The following MARCHF1 variants were observed in gnomAD, a reference collection of about 807,000 sequenced individuals.
MARCHF1 encodes E3 ubiquitin-protein ligase MARCHF1.
MARCHF1 carries 40 observed loss-of-function variants against 54.2 expected under a neutral mutation model. The observed-to-expected ratio is 0.74, with a 90% CI of 0.57 to 0.96. MARCHF1 has a LOEUF of 0.96. MARCHF1 is among the 40% of genes least tolerant of loss of function. MARCHF1 has a pLI of 0.00. For synonymous variants in MARCHF1, 236 were observed against 236.3 expected (o/e 1.00, Z 0.01); for missense variants, 586 against 656.5 (o/e 0.89, Z 1.17).
chr4:164,057,610 C>T (rs536223859), intron 2 of MARCHF1, among the ~76,000 whole-genome samples: 2 of 152,128 alleles, frequency 1.3e-5, no homozygotes, highest in South Asian at 4.2e-4. Context: ...GCAACTCAGA[C>T]ATGAAGCATG....
chr4:163,556,392 C>A (rs1340051663), intron 8 of MARCHF1, among the ~76,000 whole-genome samples: 1 of 152,080 alleles, frequency 6.6e-6, no homozygotes, highest in African/African-American at 2.4e-5. Flanking sequence ...AAAAGAGAAT[C>A]TTTTTGGAAC....
At chr4:163,630,034 C>T (rs1162304772) in intron 5 of MARCHF1, among the ~76,000 whole-genome samples, 1 of 152,114 alleles carries the variant, frequency 6.6e-6, no homozygotes, top group Non-Finnish European at 1.5e-5. Flanking sequence ...TTCGCAGTTT[C>T]ATATAAAGTT....
chr4:163,560,380 T>C (rs906015637), intron 8 of MARCHF1, among the ~76,000 whole-genome samples: 2 of 152,216 alleles, frequency 1.3e-5, no homozygotes, highest in African/African-American at 2.4e-5. Flanking sequence ...GGCCCATCAA[T>C]TTACTTGTCA....
intron 5 of MARCHF1, 125 bp downstream of exon 5, chr4:163,700,688 A>C (rs1340308389): frequency 9.8e-6 from 7 of 711,726 alleles, no homozygotes; most frequent in Non-Finnish European, 1.6e-5. Context: ...AAAGAGTTAA[A>C]ACCATGAACA....
intron 2 of MARCHF1, among the ~76,000 whole-genome samples, chr4:164,002,860 C>T (rs1478760637): frequency 2.6e-5 from 4 of 151,748 alleles, no homozygotes; most frequent in South Asian, 2.1e-4. Context: ...AATAAGAATC[C>T]TACCAACTTA....
chr4:164,338,002 C>A (rs373760455), intron 1 of MARCHF1, among the ~76,000 whole-genome samples: 26 of 152,190 alleles, frequency 1.7e-4, no homozygotes, highest in South Asian at 6.2e-4. Context: ...ATGTTGCTCT[C>A]ACAGAACTCT....
chr4:163,760,424 G>A (rs575958774), intron 4 of MARCHF1, among the ~76,000 whole-genome samples: 5 of 152,272 alleles, frequency 3.3e-5, no homozygotes, highest in African/African-American at 1.2e-4. Flanking sequence ...AGGCATCTTT[G>A]AGGGCCATTA....
Position 163,759,424 on chromosome 4 carries a change from T to A in MARCHF1, c.112-58561A>T, listed in dbSNP as rs763001850. On this transcript the variant is annotated intron_variant, in intron 4 of 9. Coordinates refer to ENST00000514618, the MANE Select transcript of MARCHF1 (RefSeq NM_001394959.1). ...ATAAATGATTAAGAGCATTTTAAGGTTAATGATCTCATGATGTGATCAATC... is the reference window on the plus strand; with the variant it reads ...ATAAATGATTAAGAGCATTTTAAGGATAATGATCTCATGATGTGATCAATC... Among the ~76,000 whole-genome samples the A allele has an allele frequency of 4.0e-4, 61 of 152,322 alleles. 1 individual carries two copies. Among genetic ancestry groups the A allele is most frequent in the Admixed American group, 7.2e-4 (11 of 15,306 alleles).
chr4:164,153,686 C>A (rs2110916203), intron 1 of MARCHF1, among the ~76,000 whole-genome samples: 1 of 152,094 alleles, frequency 6.6e-6, no homozygotes, highest in South Asian at 2.1e-4. Context: ...TACAAACAAC[C>A]AAAACTAAAA....
chr4:163,603,208 C>T (rs755451785), intron 7 of MARCHF1, among the ~76,000 whole-genome samples: 2 of 151,996 alleles, frequency 1.3e-5, no homozygotes, highest in Non-Finnish European at 2.9e-5. Flanking sequence ...AAGCTACTCA[C>T]TAAAATATAA....
At chr4:163,941,707 T>C (rs2110752330) in intron 3 of MARCHF1, among the ~76,000 whole-genome samples, 1 of 152,256 alleles carries the variant, frequency 6.6e-6, no homozygotes, top group Non-Finnish European at 1.5e-5. Context: ...CAGTTTGTGC[T>C]TAAGTACCCA....
At chr4:164,216,002 G>A (rs1345156454) in intron 1 of MARCHF1, among the ~76,000 whole-genome samples, 1 of 152,134 alleles carries the variant, frequency 6.6e-6, no homozygotes, top group African/African-American at 2.4e-5. Flanking sequence ...ATTTAATTAG[G>A]TTCTCACATA....
intron 2 of MARCHF1, among the ~76,000 whole-genome samples, chr4:164,105,906 A>C: frequency 6.7e-6 from 1 of 148,508 alleles, no homozygotes; most frequent in East Asian, 1.9e-4. Flanking sequence ...AATGAACTCA[A>C]ACAAATTTAC....
intron 1 of MARCHF1, among the ~76,000 whole-genome samples, chr4:164,277,540 T>C (rs1407808925): frequency 6.6e-6 from 1 of 152,234 alleles, no homozygotes; most frequent in Non-Finnish European, 1.5e-5. Context: ...AGAGATTCTG[T>C]ACATGTTCTT....
intron 1 of MARCHF1, among the ~76,000 whole-genome samples, chr4:164,359,941 T>C (rs1030581468): frequency 1.3e-5 from 2 of 152,134 alleles, no homozygotes; most frequent in Admixed American, 6.5e-5. Flanking sequence ...GAACCACAGA[T>C]AGAGACTTTT....
At chr4:164,069,103 G>T (rs1311991916) in intron 2 of MARCHF1, among the ~76,000 whole-genome samples, 2 of 152,162 alleles carry the variant, frequency 1.3e-5, no homozygotes, top group Admixed American at 6.5e-5. Context: ...CTAGCTCAGG[G>T]TTTGTAAATA....
intron 5 of MARCHF1, among the ~76,000 whole-genome samples, chr4:163,648,549 T>C (rs1449386836): frequency 6.6e-6 from 1 of 150,714 alleles, no homozygotes; most frequent in African/African-American, 2.4e-5. Context: ...CACTTTGCCA[T>C]TCTATAGCCT....
chr4:164,012,327 A>T (rs142601831), intron 2 of MARCHF1, among the ~76,000 whole-genome samples: 7 of 152,200 alleles, frequency 4.6e-5, no homozygotes, highest in African/African-American at 1.7e-4. Flanking sequence ...AGAAGACTGT[A>T]TCTTGCAACT....
intron 5 of MARCHF1, among the ~76,000 whole-genome samples, chr4:163,663,698 G>A (rs575436048): frequency 6.6e-6 from 1 of 152,004 alleles, no homozygotes; most frequent in Non-Finnish European, 1.5e-5. Flanking sequence ...TCTCCAACAT[G>A]CTGTGTCCCC....
Sources: gnomAD v4.1 joint callset for allele counts (sites outside exome capture counted in the v4.1 genomes callset) on GRCh38, gnomAD v4.1.1 for gene constraint, MANE v1.5 for transcripts, NCBI Gene and HGNC (gene_info 2026-07-23, HGNC 2026-07-21) for gene names.